BACC1: variants seen among roughly 807,000 people sequenced by gnomAD.
BACC1 encodes the protein BPTF associated chromatin complex component 1, also known as BPTF-associated chromatin complex component 1.
At chr17:7,017,494 C>A in the BACC1 span, 1 of 721,052 alleles carries the variant, frequency 1.4e-6, no homozygotes, top group Non-Finnish European at 2.6e-6. Context: ...CATTTTTATA[C>A]AGAAAACAAT....
chr17:7,016,219 A>G, the BACC1 span: 1 of 526,582 alleles, frequency 1.9e-6, no homozygotes. Flanking sequence ...AGTAAATCTC[A>G]ATCCACCTGT....
the BACC1 span, chr17:7,014,957 CCCGGGCGGGGG>C: frequency 6.8e-7 from 1 of 1,462,858 alleles, no homozygotes; most frequent in Non-Finnish European, 9.0e-7. The surrounding 1 kb of genome is among the most constrained non-coding windows in gnomAD (Gnocchi z 4.5). Flanking sequence ...GCTCTTCCGC[CCCGGGCGGGGG>C]GCGGGCGGGA....
chr17:7,016,484 CTT>C, the BACC1 span: 1 of 1,611,636 alleles, frequency 6.2e-7, no homozygotes, highest in African/African-American at 1.3e-5. Context: ...CCTCTTCTCT[CTT>C]TTCTTCAGGG....
the BACC1 span, chr17:7,014,851 C>A: frequency 6.5e-7 from 1 of 1,532,290 alleles, no homozygotes; most frequent in Non-Finnish European, 8.7e-7. The surrounding 1 kb of genome is among the most constrained non-coding windows in gnomAD (Gnocchi z 4.5). Context: ...AGGAGGCGCG[C>A]GGGGCCATGA....
the BACC1 span, chr17:7,016,611 C>T: frequency 4.3e-6 from 7 of 1,614,174 alleles, no homozygotes; most frequent in East Asian, 4.5e-5. Flanking sequence ...TTGTCACCTC[C>T]TCCAGCTGCC....
chr17:7,016,854 G>A, the BACC1 span: 1 of 1,561,584 alleles, frequency 6.4e-7, no homozygotes, highest in South Asian at 1.1e-5. Context: ...GGAAGCTTGG[G>A]GCTGGGGGAG....
the BACC1 span, chr17:7,015,477 A>C: frequency 3.9e-4 from 533 of 1,370,642 alleles, 9 homozygotes; most frequent in East Asian, 0.015. Flanking sequence ...TGTTTTGAAA[A>C]GCCCTTCCTG....
chr17:7,015,171 A>G, the BACC1 span: 2 of 1,562,312 alleles, frequency 1.3e-6, no homozygotes, highest in Non-Finnish European at 8.6e-7. Flanking sequence ...GTGAGCCCGG[A>G]CTGGGACGTG....
chr17:7,014,970 C>A, the BACC1 span: 3 of 1,141,482 alleles, frequency 2.6e-6, no homozygotes. This position sits in a 1 kb window ranked among gnomAD's most constrained non-coding sequence, Gnocchi z 4.5. Flanking sequence ...GGGCGGGGGG[C>A]GGGCGGGAGC....
the BACC1 span, chr17:7,016,668 T>C: frequency 6.2e-7 from 1 of 1,611,400 alleles, no homozygotes; most frequent in Non-Finnish European, 8.5e-7. Flanking sequence ...GGTCCCCCCA[T>C]AAAGAAACAG....
chr17:7,017,106 C>G, the BACC1 span: 1 of 1,527,064 alleles, frequency 6.5e-7, no homozygotes, highest in Non-Finnish European at 9.1e-7. Flanking sequence ...GGGCCCCTCC[C>G]TTGTATAGGG....
the BACC1 span, chr17:7,015,117 C>T: frequency 1.9e-6 from 3 of 1,583,116 alleles, no homozygotes; most frequent in Admixed American, 3.5e-5. Flanking sequence ...GGGGAGCTGA[C>T]GATGCAGCTG....
chr17:7,015,984 T>C, the BACC1 span: 2 of 862,438 alleles, frequency 2.3e-6, no homozygotes, highest in East Asian at 5.3e-5. Flanking sequence ...TTCCCTACTT[T>C]GTCACTAGTT....
the BACC1 span, chr17:7,014,865 C>T: frequency 6.5e-7 from 1 of 1,539,038 alleles, no homozygotes; most frequent in Non-Finnish European, 8.7e-7. The surrounding 1 kb of genome is among the most constrained non-coding windows in gnomAD (Gnocchi z 4.5). Context: ...GCCATGACGT[C>T]AGCGTCCACA....
the BACC1 span, chr17:7,016,430 C>T: frequency 2.6e-6 from 4 of 1,551,712 alleles, no homozygotes; most frequent in African/African-American, 1.4e-5. Flanking sequence ...CCCTTCCCCT[C>T]CCGTCCCCTC....
chr17:7,015,195 G>T, the BACC1 span: 57 of 1,532,640 alleles, frequency 3.7e-5, no homozygotes, highest in African/African-American at 8.0e-4. Context: ...GCTGAGAGCG[G>T]GCGCTTGGAC....
chr17:7,014,962 G>T, the BACC1 span: 1 of 1,452,932 alleles, frequency 6.9e-7, no homozygotes, highest in Non-Finnish European at 9.0e-7. This position sits in a 1 kb window ranked among gnomAD's most constrained non-coding sequence, Gnocchi z 4.5. Context: ...TCCGCCCCGG[G>T]CGGGGGGCGG....
chr17:7,015,714 G>T, the BACC1 span: 1,639 of 1,517,738 alleles, frequency 1.1e-3, 7 homozygotes, highest in African/African-American at 0.02. Flanking sequence ...TGCATAGCCT[G>T]TGGGCGGGCT....
chr17:7,014,794 C>G, the BACC1 span: 17 of 1,519,304 alleles, frequency 1.1e-5, no homozygotes, highest in African/African-American at 1.1e-4. This position sits in a 1 kb window ranked among gnomAD's most constrained non-coding sequence, Gnocchi z 4.5. Context: ...TCTCCCTGCT[C>G]TCCGTGGTCC....
Sources: gnomAD v4.1 joint callset for allele counts on GRCh38, gnomAD v4.1.1 for gene constraint, Gnocchi (gnomAD v3.1) non-coding constraint, MANE v1.5 for transcripts, NCBI Gene and HGNC (gene_info 2026-07-23, HGNC 2026-07-21) for gene names.